The following PCDH15 variants were observed in gnomAD, a reference collection of about 807,000 sequenced individuals.
PCDH15 encodes the protein protocadherin-15.
Under a neutral mutation model 178.5 loss-of-function variants are expected in PCDH15, and 129 were observed. The observed-to-expected ratio is 0.72, with a 90% CI of 0.63 to 0.84. The LOEUF is 0.84. PCDH15 is among the 40% of genes least tolerant of loss of function. The probability of loss-of-function intolerance (pLI) is 0.00; values close to 1 mark genes in which losing one functional copy is unlikely to be tolerated. For synonymous variants in PCDH15, 800 were observed against 732.0 expected, an observed-to-expected ratio of 1.09 and a Z score of -1.50; for missense variants, 2,230 against 2,099.9, an observed-to-expected ratio of 1.06 and a Z score of -1.21.
chr10:55,390,122 T>A (rs1029048283), intron 2 of PCDH15, among the ~76,000 whole-genome samples: 1 of 152,126 alleles, frequency 6.6e-6, no homozygotes, highest in Non-Finnish European at 1.5e-5. Context: ...CATGAGTTTT[T>A]TTTTCTTTTT....
chr10:54,863,704 G>A (rs1226425404), intron 3 of PCDH15, among the ~76,000 whole-genome samples: 1 of 152,128 alleles, frequency 6.6e-6, no homozygotes, highest in Non-Finnish European at 1.5e-5. Flanking sequence ...AGAAGAAAAG[G>A]AAAATTTAAA....
At position 54,198,495 on chromosome 10, in the gene PCDH15, C is replaced by CTTTT. The variant is rs1186240206; in HGVS notation, c.1099-2610_1099-2607dup. Among the ~76,000 whole-genome samples, 54 of 31,172 alleles carry CTTTT rather than the reference C, an allele frequency of 1.7e-3. 21 individuals are homozygous for CTTTT. The highest frequency in any genetic ancestry group is 6.8e-3 in the African/African-American group (23 of 3,376). 20.5% of individuals were successfully genotyped at this position (31,172 alleles called of 152,430 possible). ...CATCTTTCTTTAATATCTAATTATT[C>CTTTT]TTTTTTTTTTTTTTTTTTTTTTTTG... On this transcript the variant is annotated intron_variant, in intron 10 of 37. Coordinates refer to ENST00000644397, the MANE Select transcript of PCDH15 (RefSeq NM_001384140.1).
intron 2 of PCDH15, among the ~76,000 whole-genome samples, chr10:54,961,379 T>C (rs1591807669): frequency 6.6e-6 from 1 of 152,234 alleles, no homozygotes. Context: ...ACATCCTGGG[T>C]GCTATGGATG....
intron 7 of PCDH15, among the ~76,000 whole-genome samples, chr10:54,322,041 T>A (rs2061641926): frequency 6.6e-6 from 1 of 151,902 alleles, no homozygotes; most frequent in Non-Finnish European, 1.5e-5. Flanking sequence ...GATCTTAAAA[T>A]ATCCATTTAA....
chr10:54,251,734 AT>A (rs754109401), intron 8 of PCDH15, among the ~76,000 whole-genome samples: 22 of 152,280 alleles, frequency 1.4e-4, no homozygotes, highest in African/African-American at 2.6e-4. Context: ...TTCTAAAAAA[AT>A]ATTTGTTATT....
At chr10:55,625,067 G>T (rs1177433567) in intron 2 of PCDH15, among the ~76,000 whole-genome samples, 1 of 152,094 alleles carries the variant, frequency 6.6e-6, no homozygotes, top group African/African-American at 2.4e-5. Flanking sequence ...TCTCTCCAGT[G>T]AGAAAGTGAT....
intron 1 of PCDH15, among the ~76,000 whole-genome samples, chr10:54,779,488 G>GTGTGTATATATATGTGTGTATA (rs147450863): frequency 1.9e-5 from 1 of 53,290 alleles, no homozygotes; most frequent in Non-Finnish European, 3.2e-5. Flanking sequence ...ACATATATAT[G>GTGTGTATATATATGTGTGTATA]TATATATATA....
At chr10:55,444,519 T>C (rs376194970) in intron 2 of PCDH15, among the ~76,000 whole-genome samples, 4 of 152,118 alleles carry the variant, frequency 2.6e-5, no homozygotes, top group African/African-American at 2.4e-5. Flanking sequence ...ACAAATATCA[T>C]AGTAAAAGAA....
At position 54,499,734 on chromosome 10, in the gene PCDH15, A is replaced by G. The variant is rs1019841976; in HGVS notation, c.157+28078T>C. ...AATCAATAAGTTAGAAAGATCTCAA[A>G]TTAACTATCTAGCATTACACCAAGA... On this transcript the variant is annotated intron_variant, in intron 3 of 37. Transcript: ENST00000644397. 3.3e-5 allele frequency among the ~76,000 whole-genome samples: 5 copies of G among 152,170 alleles called. No homozygotes were observed. The South Asian group carries it at 6.2e-4, about 19-fold the overall frequency.
At chr10:54,986,271 C>T (rs759138830) in intron 2 of PCDH15, among the ~76,000 whole-genome samples, 42 of 150,380 alleles carry the variant, frequency 2.8e-4, no homozygotes, top group Non-Finnish European at 5.6e-4. Flanking sequence ...AGTAAGGAGA[C>T]AAAAACTTGA....
chr10:54,823,272 C>G (rs1953077687), intron 3 of PCDH15, among the ~76,000 whole-genome samples: 1 of 151,978 alleles, frequency 6.6e-6, no homozygotes, highest in African/African-American at 2.4e-5. Flanking sequence ...TCACTTTGCT[C>G]AGGCTCCAGT....
In PCDH15 at chr10:54,214,002, T is replaced by C. The variant is rs376067863; in HGVS notation, c.1032A>G (p.Thr344=). 8 of 1,611,862 alleles carry C rather than the reference T, an allele frequency of 5.0e-6. 1 individual carries two copies. In the African/African-American group the frequency reaches 1.1e-4, roughly 22 times the overall value. Residue 344 remains threonine (T), a synonymous_variant, in exon 10 of 38, where the codon ACA becomes ACG. Coordinates refer to ENST00000644397, the MANE Select transcript of PCDH15 (RefSeq NM_001384140.1). ...YPRFFHMHPR[T]AELSLLEPVN... ...CTGGCTCCAGGAGACTAAGTTCTGCTGTCCTAGGATGCATATGGAAAAATC... is the reference window on the plus strand; with the variant it reads ...CTGGCTCCAGGAGACTAAGTTCTGCCGTCCTAGGATGCATATGGAAAAATC...
chr10:55,138,620 T>C (rs1056122163), intron 2 of PCDH15, among the ~76,000 whole-genome samples: 4 of 152,100 alleles, frequency 2.6e-5, no homozygotes, highest in Admixed American at 6.6e-5. Flanking sequence ...ACAATTCAAA[T>C]TCAGTTTTAT....
intron 3 of PCDH15, among the ~76,000 whole-genome samples, chr10:54,491,519 T>C (rs530801671): frequency 6.1e-4 from 93 of 152,236 alleles, no homozygotes; most frequent in African/African-American, 2.1e-3. Context: ...GAGTAGATGA[T>C]TAGAAAGTAA....
intron 3 of PCDH15, among the ~76,000 whole-genome samples, chr10:54,447,834 G>A (rs2076237376): frequency 6.6e-6 from 1 of 151,674 alleles, no homozygotes; most frequent in African/African-American, 2.4e-5. Flanking sequence ...TATTTCACAT[G>A]TATTTCTGTA....
chr10:53,807,514 G>A (rs1036105345), intron 37 of PCDH15, among the ~76,000 whole-genome samples: 39 of 152,198 alleles, frequency 2.6e-4, no homozygotes, highest in African/African-American at 8.7e-4. Flanking sequence ...AACAGCTTTA[G>A]TATATTCTGT....
intron 26 of PCDH15, among the ~76,000 whole-genome samples, chr10:53,889,338 G>T (rs910030398): frequency 3.9e-5 from 6 of 151,980 alleles, no homozygotes; most frequent in African/African-American, 1.2e-4. Context: ...AGTATATAAA[G>T]AATTCTAAAG....
At chr10:54,771,211 T>C in intron 1 of PCDH15, among the ~76,000 whole-genome samples, 1 of 152,050 alleles carries the variant, frequency 6.6e-6, no homozygotes, top group Non-Finnish European at 1.5e-5. Flanking sequence ...TTAACTCTAT[T>C]TGAAGTTAAA....
At chr10:53,893,752 G>A (rs1309119344) in intron 26 of PCDH15, among the ~76,000 whole-genome samples, 5 of 152,126 alleles carry the variant, frequency 3.3e-5, no homozygotes, top group African/African-American at 7.2e-5. Context: ...CTATGAGGAC[G>A]CAAAGGCATA....
Sources: allele counts gnomAD v4.1 joint callset (sites outside exome capture counted in the v4.1 genomes callset), GRCh38; gene constraint gnomAD v4.1.1; transcripts MANE v1.5; gene names NCBI Gene and HGNC (gene_info 2026-07-23, HGNC 2026-07-21).